The following DDHD1 variants were observed in gnomAD, a reference collection of about 807,000 sequenced individuals.
DDHD1 encodes DDHD domain containing 1.
In DDHD1, 49 loss-of-function variants were observed where a neutral mutation model predicts 96.4. That is an observed-to-expected ratio of 0.51 (90% CI 0.40 to 0.64). The LOEUF is 0.64. Among genes scored for constraint, DDHD1 ranks in the 30% least tolerant of loss-of-function variants. The probability of loss-of-function intolerance (pLI) is 0.00; values close to 1 mark genes in which losing one functional copy is unlikely to be tolerated. For synonymous variants in DDHD1, 442 were observed against 446.5 expected (o/e 0.99, Z 0.13); for missense variants, 1,106 against 1,161.2 (o/e 0.95, Z 0.69).
rs1881368776 is a variant in DDHD1 at position 53,037,781 on chromosome 14, C to T, written c.*8987G>A. ...GTTTTGTTGCAATTGCCTTTGGGGA[C>T]TTAGCCAAAAGTTCTTTGCCAAGGC... On this transcript the variant is annotated 3_prime_UTR_variant, in exon 13 of 13. Coordinates refer to ENST00000673822, the MANE Select transcript of DDHD1 (RefSeq NM_001160148.2). 6.6e-6 allele frequency: 1 copy of T among 152,082 alleles called. No individual in the cohort carries two copies. Among genetic ancestry groups the T allele is most frequent in the Non-Finnish European group, 1.5e-5 (1 of 68,002 alleles). The allele number at this position is 152,082 out of a possible 1,614,324, so 9.4% of individuals were successfully genotyped here.
At chr14:53,078,005 C>T (rs1036799919) in intron 4 of DDHD1, among the ~76,000 whole-genome samples, 1 of 152,118 alleles carries the variant, frequency 6.6e-6, no homozygotes, top group Non-Finnish European at 1.5e-5. Context: ...TATGGATACG[C>T]CACTTTTGTT....
At chr14:53,048,600 A>G (rs1324140349) in intron 12 of DDHD1, 2 of 152,102 alleles carry the variant, frequency 1.3e-5, no homozygotes, top group Non-Finnish European at 2.9e-5. Flanking sequence ...CAGCCTCCCA[A>G]AGTGCTGGGA....
chr14:53,141,815 CAT>C (rs1205514108), intron 1 of DDHD1, among the ~76,000 whole-genome samples: 1 of 152,140 alleles, frequency 6.6e-6, no homozygotes, highest in African/African-American at 2.4e-5. Context: ...ATATATAGTA[CAT>C]GTGTGTATGT....
intron 7 of DDHD1, among the ~76,000 whole-genome samples, chr14:53,062,304 A>C (rs1459081812): frequency 2.0e-5 from 3 of 152,062 alleles, no homozygotes; most frequent in African/African-American, 4.8e-5. Flanking sequence ...ATTTGTTTTA[A>C]TATGCTAGTA....
rs113830300 is a variant in DDHD1, at chr14:53,145,099, G to A, written c.838+7162C>T. Reference sequence around the variant, plus strand: ...TGGGAGGTGGAGGTTGCAGTGAGCCGAGATGGCGCCACTGCACTCTAGCCT... The same window carrying A: ...TGGGAGGTGGAGGTTGCAGTGAGCCAAGATGGCGCCACTGCACTCTAGCCT... On this transcript the variant is annotated intron_variant, in intron 1 of 12. Transcript: ENST00000673822. Among the ~76,000 whole-genome samples the A allele has an allele frequency of 3.3e-3, 501 of 152,186 alleles. 2 individuals are homozygous for A. The highest frequency in any genetic ancestry group is 0.011 in the African/African-American group (467 of 41,526).
At chr14:53,054,403 C>A (rs534388103) in intron 11 of DDHD1, 35 bp downstream of exon 11, 7 of 1,582,086 alleles carry the variant, frequency 4.4e-6, no homozygotes, top group Non-Finnish European at 5.2e-6. Context: ...TAAAAAGATA[C>A]AGTATCAACT....
At chr14:53,116,361 T>C (rs1182158874) in intron 1 of DDHD1, among the ~76,000 whole-genome samples, 2 of 152,212 alleles carry the variant, frequency 1.3e-5, no homozygotes, top group African/African-American at 4.8e-5. Flanking sequence ...AACTCAACTC[T>C]GGACCAAGAT....
intron 10 of DDHD1, 38 bp from the exon 11 acceptor site, chr14:53,054,667 C>T (rs936790181): frequency 1.9e-6 from 3 of 1,595,116 alleles, no homozygotes; most frequent in Non-Finnish European, 2.6e-6. Flanking sequence ...TCTGTTGAAT[C>T]ACACCACACT....
intron 10 of DDHD1, among the ~76,000 whole-genome samples, chr14:53,055,401 A>C (rs2139838452): frequency 6.6e-6 from 1 of 152,364 alleles, no homozygotes; most frequent in South Asian, 2.1e-4. Flanking sequence ...GACCAAGATT[A>C]AAATGAGGGA....
chr14:53,078,718 T>C (rs1276371027), intron 4 of DDHD1, among the ~76,000 whole-genome samples: 1 of 152,226 alleles, frequency 6.6e-6, no homozygotes, highest in Non-Finnish European at 1.5e-5. Context: ...TTAATTGCTC[T>C]GGCTGAAACG....
chr14:53,066,246 G>C (rs991415757), intron 6 of DDHD1, among the ~76,000 whole-genome samples: 5 of 152,100 alleles, frequency 3.3e-5, no homozygotes, highest in African/African-American at 1.2e-4. Flanking sequence ...CTGCCTCCCA[G>C]GTTCAAGTGC....
At chr14:53,047,044 T>G in intron 12 of DDHD1, 95 bp from the exon 13 acceptor site, 5 of 927,942 alleles carry the variant, frequency 5.4e-6, no homozygotes, top group Non-Finnish European at 7.4e-6. Flanking sequence ...TTTAGCTAAA[T>G]AGAAGTGATT....
rs1881762372 is a variant in DDHD1 at position 53,043,045 on chromosome 14, C to T, written c.*3723G>A. 1 of 152,174 alleles carries T rather than the reference C, an allele frequency of 6.6e-6. No homozygotes were observed. The allele number at this position is 152,174 out of a possible 1,614,324, so 9.4% of individuals were successfully genotyped here. A position where few individuals can be genotyped will look rare whatever the true frequency, so the allele number is the denominator to read the frequency against. ...AATCTTTTGGCTTGATCTGACTCCA[C>T]TGGAAGGGGCTCATGTACTATCACT... On this transcript the variant is annotated 3_prime_UTR_variant, in exon 13 of 13. Coordinates refer to ENST00000673822, the MANE Select transcript of DDHD1 (RefSeq NM_001160148.2).
rs1185491182 is a variant in DDHD1 at position 53,103,858 on chromosome 14, TG to T, written c.839-3del. The T allele has an allele frequency of 6.3e-7, 1 of 1,587,758 alleles. No homozygotes were observed. Among genetic ancestry groups the T allele is most frequent in the East Asian group, 2.3e-5 (1 of 43,914 alleles). On this transcript the variant is annotated splice_region_variant and splice_polypyrimidine_tract_variant and intron_variant, in intron 1 of 12. Transcript: ENST00000673822. Reference sequence around the variant, plus strand: ...GCATTACTGGTATTTTATCAGCCTCTGAAAAAGAGAAATCACAGAATTATAC... The same window carrying T: ...GCATTACTGGTATTTTATCAGCCTCTAAAAAGAGAAATCACAGAATTATAC...
chr14:53,129,223 C>A (rs1320102620), intron 1 of DDHD1, among the ~76,000 whole-genome samples: 3 of 152,184 alleles, frequency 2.0e-5, no homozygotes, highest in African/African-American at 7.2e-5. Context: ...GAGACCAGCC[C>A]CCTGTCCTTG....
chr14:53,138,534 T>A (rs948229028), intron 1 of DDHD1, among the ~76,000 whole-genome samples: 3 of 152,194 alleles, frequency 2.0e-5, no homozygotes, highest in African/African-American at 7.2e-5. Context: ...AAAACGGCTA[T>A]GAGGAGGGTA....
intron 3 of DDHD1, 125 bp downstream of exon 3, chr14:53,093,191 A>T: frequency 1.1e-6 from 1 of 933,720 alleles, no homozygotes; most frequent in Middle Eastern, 3.5e-4. Context: ...TTTAAAAAGG[A>T]ATCTGTCACT....
At chr14:53,067,294 G>A (rs1049293659) in intron 6 of DDHD1, among the ~76,000 whole-genome samples, 1 of 151,740 alleles carries the variant, frequency 6.6e-6, no homozygotes, top group Non-Finnish European at 1.5e-5. Context: ...CAGTAGCTGG[G>A]ACTACAGGTG....
Position 53,091,908 on chromosome 14 carries a change from T to C in DDHD1, c.1166A>G (p.His389Arg). The change falls in exon 4 of 13, where the codon CAT (histidine) becomes CGT (arginine). Residue 389 changes from histidine to arginine, a missense_variant. By Grantham distance (29) the His-to-Arg change is conservative. This residue lies in a region of DDHD1 where 650 missense variants were observed against 758.8 expected (regional missense o/e 0.86). Transcript: ENST00000673822. Reference sequence around the variant, plus strand: ...TGTGGCTTCTTCTACATAACCTCTATGAAGTCTGGTACCACTACTTGATGC... The same window carrying C: ...TGTGGCTTCTTCTACATAACCTCTACGAAGTCTGGTACCACTACTTGATGC... Reference protein sequence around the residue: ...SKASSSGTRLHRGYVEEATLE... With the variant: ...SKASSSGTRLRRGYVEEATLE... 1.2e-6 allele frequency: 2 copies of C among 1,612,178 alleles called. No homozygotes were observed. The highest frequency in any genetic ancestry group is 1.7e-6 in the Non-Finnish European group (2 of 1,178,812).
Sources: allele counts gnomAD v4.1 joint callset (sites outside exome capture counted in the v4.1 genomes callset), GRCh38; gene constraint gnomAD v4.1.1; regional missense constraint gnomAD v4.1.1; transcripts MANE v1.5; gene names NCBI Gene and HGNC (gene_info 2026-07-23, HGNC 2026-07-21).